The following PLA2G4E variants were observed in gnomAD, a reference collection of about 807,000 sequenced individuals.
PLA2G4E encodes cytosolic phospholipase A2 epsilon.
PLA2G4E carries 84 observed loss-of-function variants against 109.1 expected under a neutral mutation model. The ratio of observed to expected loss-of-function variants is 0.77; its 90% CI spans 0.65 to 0.92. The LOEUF is 0.92. Ranked by LOEUF, PLA2G4E falls within the 40% of genes least tolerant of loss-of-function variation. The probability of loss-of-function intolerance (pLI) is 0.00; values close to 1 mark genes in which losing one functional copy is unlikely to be tolerated. For synonymous variants in PLA2G4E, 469 were observed against 436.1 expected (o/e 1.08, Z -0.94); for missense variants, 1,057 against 1,076.6 (o/e 0.98, Z 0.25).
intron 13 of PLA2G4E, among the ~76,000 whole-genome samples, chr15:41,990,926 C>G (rs1376186094): frequency 2.0e-5 from 3 of 151,812 alleles, no homozygotes; most frequent in Non-Finnish European, 2.9e-5. Context: ...AGGCTCTGAC[C>G]CCAGGCCAAG....
chr15:42,026,865 C>G (rs766124664), intron 1 of PLA2G4E, among the ~76,000 whole-genome samples: 1 of 151,632 alleles, frequency 6.6e-6, no homozygotes, highest in Non-Finnish European at 1.5e-5. Flanking sequence ...CCCAGCTACT[C>G]AGGAGGCTGA....
Position 42,020,671 on chromosome 15 carries a change from C to T in PLA2G4E, c.184-6914G>A, listed in dbSNP as rs190540745. Among the ~76,000 whole-genome samples the T allele has an allele frequency of 5.0e-4, 76 of 152,312 alleles. No individual in the cohort carries two copies. In the East Asian group the frequency reaches 0.014, roughly 28 times the overall value. On this transcript the variant is annotated intron_variant, in intron 1 of 19. Transcript: ENST00000399518. ...AGCCTGGCCCCAGGATGGCCCCACGCCACTTCATGATGCCTTGAAAATCTT... is the reference window on the plus strand; with the variant it reads ...AGCCTGGCCCCAGGATGGCCCCACGTCACTTCATGATGCCTTGAAAATCTT...
Position 41,988,236 on chromosome 15 carries a change from AC to A in PLA2G4E, c.1724-81del, listed in dbSNP as rs561000816. 1.7e-3 allele frequency: 1,043 copies of A among 618,214 alleles called. 19 individuals are homozygous for A. In the South Asian group the frequency reaches 0.021, roughly 13 times the overall value. 38.3% of individuals were successfully genotyped at this position (618,214 alleles called of 1,614,324 possible). On this transcript the variant is annotated intron_variant, in intron 15 of 19. Coordinates refer to ENST00000399518, the Ensembl canonical transcript of PLA2G4E. ...TGACATTTGATTCCCCACTCCCCCCACCCCCCCACCCCACGCAAGCCAGGCT... is the reference window on the plus strand; with the variant it reads ...TGACATTTGATTCCCCACTCCCCCCACCCCCCACCCCACGCAAGCCAGGCT...
At chr15:42,001,133 G>A (rs747227534) in intron 7 of PLA2G4E, 24 bp downstream of exon 7, 3 of 1,600,684 alleles carry the variant, frequency 1.9e-6, no homozygotes, top group Non-Finnish European at 2.6e-6. Context: ...TCCCCCAGTA[G>A]GCAGAAAAGG....
intron 1 of PLA2G4E, among the ~76,000 whole-genome samples, chr15:42,015,260 T>A (rs549900828): frequency 6.6e-6 from 1 of 152,270 alleles, no homozygotes; most frequent in South Asian, 2.1e-4. Context: ...TGAAACCCCC[T>A]CTTCCAGCCG....
intron 1 of PLA2G4E, among the ~76,000 whole-genome samples, 125 bp from the exon 1 acceptor site, chr15:42,021,167 G>T (rs1270405034): frequency 1.3e-5 from 2 of 151,670 alleles, no homozygotes; most frequent in East Asian, 3.9e-4. Context: ...AGGGTGCATG[G>T]GCCTAGATCT....
chr15:42,045,354 G>C (rs190488625), intron 1 of PLA2G4E, among the ~76,000 whole-genome samples: 1 of 152,300 alleles, frequency 6.6e-6, no homozygotes, highest in East Asian at 1.9e-4. Context: ...CGGGAGGATG[G>C]GGTGGGGTGG....
At chr15:41,995,291 C>A in intron 12 of PLA2G4E, 69 bp downstream of exon 12, 1 of 1,568,952 alleles carries the variant, frequency 6.4e-7, no homozygotes, top group Non-Finnish European at 8.7e-7. Flanking sequence ...GGAGCTTCAC[C>A]TGAGACCCCA....
At chr15:42,028,326 G>A (rs1407631218) in intron 1 of PLA2G4E, among the ~76,000 whole-genome samples, 2 of 152,214 alleles carry the variant, frequency 1.3e-5, no homozygotes, top group Admixed American at 1.3e-4. Flanking sequence ...CAGGTAGAAA[G>A]CTGCTGACCT....
At chr15:41,985,391 C>G (rs1261467703) in intron 18 of PLA2G4E, among the ~76,000 whole-genome samples, 1 of 152,278 alleles carries the variant, frequency 6.6e-6, no homozygotes, top group East Asian at 1.9e-4. Context: ...CTGACAAGTG[C>G]CCTCCTCTCT....
At chr15:42,050,567 G>A (rs1178166716) in exon 1 of PLA2G4E, 2 of 1,550,612 alleles carry the variant, frequency 1.3e-6, no homozygotes, top group Admixed American at 2.0e-5. Context: ...GAGACCAGGA[G>A]TGTCCAGGTC....
chr15:41,986,342 G>A (rs1005317255), intron 17 of PLA2G4E, among the ~76,000 whole-genome samples: 8 of 152,154 alleles, frequency 5.3e-5, no homozygotes, highest in Admixed American at 2.0e-4. Context: ...CCATTTGCAG[G>A]CCACGGCCAA....
intron 3 of PLA2G4E, among the ~76,000 whole-genome samples, chr15:42,006,470 A>G (rs2068477913): frequency 6.6e-6 from 1 of 152,216 alleles, no homozygotes; most frequent in Non-Finnish European, 1.5e-5. Context: ...GACCCCTGCC[A>G]GGATATAGAA....
chr15:41,999,446 CA>C, intron 10 of PLA2G4E, 77 bp downstream of exon 10: 2 of 1,126,302 alleles, frequency 1.8e-6, no homozygotes, highest in South Asian at 1.3e-5. Context: ...AAATGCAAAT[CA>C]AAACCACAGT....
At chr15:42,000,055 C>G (rs1418099985) in intron 8 of PLA2G4E, 49 bp downstream of exon 8, 2 of 1,573,168 alleles carry the variant, frequency 1.3e-6, no homozygotes, top group East Asian at 4.7e-5. Context: ...CTGGCACCCC[C>G]CACCTGTCCC....
intron 5 of PLA2G4E, among the ~76,000 whole-genome samples, chr15:42,004,347 AGAGAGAGG>A (rs1199722582): frequency 3.4e-5 from 5 of 148,768 alleles, no homozygotes; most frequent in African/African-American, 4.9e-5. Flanking sequence ...AGGGAAAGAA[AGAGAGAGG>A]GAGAGAGGGA....
intron 1 of PLA2G4E, among the ~76,000 whole-genome samples, chr15:42,034,318 T>C (rs773521889): frequency 1.3e-5 from 2 of 152,184 alleles, no homozygotes; most frequent in Non-Finnish European, 2.9e-5. Flanking sequence ...TGAGGCAAAA[T>C]AATTTGATTA....
chr15:41,987,872 A>T (rs2068169391), intron 16 of PLA2G4E, among the ~76,000 whole-genome samples, 177 bp downstream of exon 16: 1 of 151,614 alleles, frequency 6.6e-6, no homozygotes, highest in Admixed American at 6.6e-5. Flanking sequence ...CCCATCACCC[A>T]GCCATGAGGG....
intron 6 of PLA2G4E, 107 bp downstream of exon 6, chr15:42,002,547 G>A: frequency 3.1e-6 from 4 of 1,287,270 alleles, no homozygotes; most frequent in Non-Finnish European, 4.4e-6. Context: ...GGTCAGGATA[G>A]GACAGAGACC....
Sources: gnomAD v4.1 joint callset for allele counts (sites outside exome capture counted in the v4.1 genomes callset) on GRCh38, gnomAD v4.1.1 for gene constraint, MANE v1.5 for transcripts, NCBI Gene and HGNC (gene_info 2026-07-23, HGNC 2026-07-21) for gene names.